The following NEBL variants were observed in gnomAD, a reference collection of about 807,000 sequenced individuals.
The protein encoded by NEBL is nebulette.
NEBL carries 122 observed loss-of-function variants against 140.2 expected under a neutral mutation model. The observed-to-expected ratio is 0.87, with a 90% CI of 0.75 to 1.01. NEBL has a LOEUF of 1.01. NEBL is among the 50% of genes least tolerant of loss of function. The pLI is 0.00. For synonymous variants in NEBL, 436 were observed against 398.9 expected, an observed-to-expected ratio of 1.09 and a Z score of -1.11; for missense variants, 1,365 against 1,231.3, an observed-to-expected ratio of 1.11 and a Z score of -1.62.
rs147970541 is a variant in NEBL, at chr10:21,038,611, T to C, written c.165-18410A>G. On this transcript the variant is annotated intron_variant, in intron 2 of 6. Coordinates refer to the NEBL transcript ENST00000417816. ...CACATTTTCTTTATCCAGTCTATCATTGATGGGCATTTGGGTTGGTTCCAA... is the reference window on the plus strand; with the variant it reads ...CACATTTTCTTTATCCAGTCTATCACTGATGGGCATTTGGGTTGGTTCCAA... 7.6e-3 allele frequency among the ~76,000 whole-genome samples: 1,165 copies of C among 152,356 alleles called. 5 individuals carry two copies. The highest frequency in any genetic ancestry group is 0.013 in the Non-Finnish European group (894 of 68,034).
At chr10:20,998,788 C>A (rs868365799) in intron 3 of NEBL, among the ~76,000 whole-genome samples, 1 of 152,198 alleles carries the variant, frequency 6.6e-6, no homozygotes. Flanking sequence ...AAGTCACAAT[C>A]TGAATTCACA....
chr10:21,231,268 A>G (rs1372105481), intron 3 of NEBL, among the ~76,000 whole-genome samples: 1 of 152,162 alleles, frequency 6.6e-6, no homozygotes, highest in African/African-American at 2.4e-5. Flanking sequence ...GGCTGGGCGC[A>G]GTGGCTCACA....
intron 3 of NEBL, among the ~76,000 whole-genome samples, chr10:21,231,001 G>GT (rs1378974568): frequency 6.6e-6 from 1 of 152,154 alleles, no homozygotes; most frequent in Non-Finnish European, 1.5e-5. Flanking sequence ...CTGCTTTACT[G>GT]TATGTCTTCC....
At chr10:21,206,083 C>T (rs1388430948) in intron 3 of NEBL, among the ~76,000 whole-genome samples, 1 of 152,208 alleles carries the variant, frequency 6.6e-6, no homozygotes, top group Admixed American at 6.5e-5. Flanking sequence ...GCATCAGCTT[C>T]ATCAGGATGT....
rs546186206 is a variant in NEBL, at chr10:20,865,344, C to T, written c.684+3320G>A. Among the ~76,000 whole-genome samples, 3 of 152,184 alleles carry T rather than the reference C, an allele frequency of 2.0e-5. No homozygotes were observed. The East Asian group carries it at 5.8e-4, about 29-fold the overall frequency. ...TAACTCATTTAACCTTCACAGCAGC[C>T]CTGAGAAGTAAATACTGTTGCTGTC... On this transcript the variant is annotated intron_variant, in intron 7 of 27. Coordinates refer to ENST00000377122, the MANE Select transcript of NEBL (RefSeq NM_006393.3).
At chr10:21,133,315 C>T (rs1003612613) in intron 2 of NEBL, among the ~76,000 whole-genome samples, 4 of 152,094 alleles carry the variant, frequency 2.6e-5, no homozygotes, top group African/African-American at 7.2e-5. Context: ...AGTTAAATCA[C>T]GAAAGGGAAA....
At position 21,033,110 on chromosome 10, in the gene NEBL, C is replaced by T. The variant is rs12246854; in HGVS notation, c.165-12909G>A. Among the ~76,000 whole-genome samples the T allele has an allele frequency of 4.8e-3, 729 of 152,250 alleles. 3 individuals carry two copies. Among genetic ancestry groups the T allele is most frequent in the African/African-American group, 0.015 (612 of 41,546 alleles). ...TGCTGATATTGATCACGGGAATACA[C>T]AAACAAGGAAATGTGTGACATCGAG... is the stretch of plus-strand genomic sequence containing the variant. On this transcript the variant is annotated intron_variant, in intron 2 of 6. Transcript: ENST00000417816.
intron 26 of NEBL, among the ~76,000 whole-genome samples, chr10:20,806,424 T>C (rs1341898822): frequency 1.3e-5 from 2 of 152,226 alleles, no homozygotes; most frequent in African/African-American, 4.8e-5. Flanking sequence ...ATCCAATGCA[T>C]GCGTCTGTCC....
At chr10:20,948,807 A>G (rs1425759479) in intron 4 of NEBL, among the ~76,000 whole-genome samples, 2 of 152,220 alleles carry the variant, frequency 1.3e-5, no homozygotes, top group African/African-American at 4.8e-5. Flanking sequence ...CAAGAGAACA[A>G]TATTTGGCAG....
chr10:21,191,595 A>G (rs1017121702), intron 3 of NEBL, among the ~76,000 whole-genome samples: 1 of 152,218 alleles, frequency 6.6e-6, no homozygotes, highest in African/African-American at 2.4e-5. Context: ...TTACTTTGCT[A>G]GGCCTATTCA....
intron 2 of NEBL, among the ~76,000 whole-genome samples, chr10:20,892,567 G>A (rs1289062267): frequency 6.6e-6 from 1 of 152,072 alleles, no homozygotes; most frequent in Non-Finnish European, 1.5e-5. Context: ...CACTCCTACC[G>A]AATACACAAC....
intron 13 of NEBL, among the ~76,000 whole-genome samples, chr10:20,839,358 G>C (rs952603912): frequency 2.0e-5 from 3 of 152,164 alleles, no homozygotes; most frequent in Non-Finnish European, 4.4e-5. Flanking sequence ...CTAATGTAGG[G>C]TTAATGTGAT....
intron 15 of NEBL, 58 bp downstream of exon 15, chr10:20,831,415 C>T: frequency 6.5e-7 from 1 of 1,527,366 alleles, no homozygotes; most frequent in Admixed American, 1.7e-5. Flanking sequence ...AACTTATGCT[C>T]TTTCCAGCTA....
At chr10:21,025,118 G>C (rs953074860) in intron 2 of NEBL, among the ~76,000 whole-genome samples, 1 of 152,016 alleles carries the variant, frequency 6.6e-6, no homozygotes, top group African/African-American at 2.4e-5. Context: ...AAGACACAGG[G>C]CATGAGAAAT....
At chr10:21,090,910 C>T (rs1564507829) in intron 2 of NEBL, among the ~76,000 whole-genome samples, 1 of 152,166 alleles carries the variant, frequency 6.6e-6, no homozygotes, top group Non-Finnish European at 1.5e-5. Context: ...GCAGACACTT[C>T]CGGCTCAACA....
rs201990747 is a variant in NEBL at position 20,845,289 on chromosome 10, T to C, written c.1196A>G (p.His399Arg). The change falls in exon 12 of 28, where the codon CAT becomes CGT. Residue 399 changes from histidine to arginine, a missense_variant. His to Arg is a conservative substitution (Grantham distance 29, BLOSUM62 0). Coordinates refer to ENST00000377122, the MANE Select transcript of NEBL (RefSeq NM_006393.3). ...CAGAAGGTTGGTGATGTACTTTACA[T>C]GTAAAAATTCTGGAGTCTTGTCTAA... The part of the protein sequence containing the change: ...LDLDKTPEFL[H>R]VKYITNLLRE... 1.9e-6 allele frequency: 3 copies of C among 1,595,572 alleles called. No homozygotes were observed. Among genetic ancestry groups the C allele is most frequent in the Admixed American group, 3.3e-5 (2 of 59,896 alleles).
intron 3 of NEBL, among the ~76,000 whole-genome samples, chr10:20,982,231 A>G (rs2131666472): frequency 6.6e-6 from 1 of 152,316 alleles, no homozygotes; most frequent in Middle Eastern, 3.4e-3. Flanking sequence ...AACATCGTCA[A>G]ATGTTGTTTA....
intron 4 of NEBL, among the ~76,000 whole-genome samples, chr10:20,947,903 G>A (rs926797134): frequency 6.6e-6 from 1 of 152,200 alleles, no homozygotes; most frequent in African/African-American, 2.4e-5. Flanking sequence ...CAGGTTATCT[G>A]TATGTCTTAT....
rs185482009 is a variant in NEBL, at chr10:21,287,295, G to A, written n.182+5535C>T. Among the ~76,000 whole-genome samples the A allele has an allele frequency of 1.2e-4, 18 of 152,256 alleles. No homozygotes were observed. The East Asian group carries it at 3.3e-3, about 28-fold the overall frequency. On this transcript the variant is annotated intron_variant and non_coding_transcript_variant, in intron 1 of 8. Transcript: ENST00000675702. The stretch of plus-strand genomic sequence containing the variant: ...TCATGCCTGTGATCCCAGAATTTTG[G>A]GAGGCCGAGGCAGGTGGATCACTTG...
Sources: allele counts gnomAD v4.1 joint callset (sites outside exome capture counted in the v4.1 genomes callset), GRCh38; gene constraint gnomAD v4.1.1; transcripts MANE v1.5; gene names NCBI Gene and HGNC (gene_info 2026-07-23, HGNC 2026-07-21).